EDIL3: variants seen among roughly 807,000 people sequenced by gnomAD.
The protein encoded by EDIL3 is EGF like and discoidin domains 3, also known as EGF-like repeat and discoidin I-like domain-containing protein 3.
A neutral mutation model predicts 67.4 loss-of-function variants in EDIL3; 37 were observed. The ratio of observed to expected loss-of-function variants is 0.55; its 90% CI spans 0.42 to 0.72. The LOEUF (loss-of-function observed/expected upper bound fraction) is 0.72, where lower values mean the gene tolerates loss of function less well. Among genes scored for constraint, EDIL3 ranks in the 30% least tolerant of loss-of-function variants. The pLI is 0.00. For synonymous variants in EDIL3, 195 were observed against 196.3 expected, an observed-to-expected ratio of 0.99 and a Z score of 0.05; for missense variants, 527 against 586.3, an observed-to-expected ratio of 0.90 and a Z score of 1.04.
chr5:84,192,482 T>C (rs1487069955), intron 3 of EDIL3, among the ~76,000 whole-genome samples: 1 of 151,972 alleles, frequency 6.6e-6, no homozygotes, highest in African/African-American at 2.4e-5. Context: ...GCCAAATGCC[T>C]TTCTTCACCT....
chr5:84,206,443 G>T (rs1743981194), intron 3 of EDIL3, among the ~76,000 whole-genome samples: 1 of 152,116 alleles, frequency 6.6e-6, no homozygotes, highest in Non-Finnish European at 1.5e-5. Flanking sequence ...TTGGTGCAGA[G>T]CTGAGTTCAA....
intron 9 of EDIL3, among the ~76,000 whole-genome samples, chr5:83,967,562 A>G (rs190831567): frequency 6.6e-6 from 1 of 152,250 alleles, no homozygotes; most frequent in East Asian, 1.9e-4. Flanking sequence ...CTGTGGGAAT[A>G]TAAACTTTTT....
chr5:84,141,932 TATATATATATATATA>T (rs1748201526), intron 4 of EDIL3, among the ~76,000 whole-genome samples: 1 of 97,256 alleles, frequency 1.0e-5, no homozygotes, highest in African/African-American at 3.7e-5. Flanking sequence ...TACACATATA[TATATATATATATATA>T]CATAGATCTA....
chr5:84,039,899 T>C (rs1253688868), intron 9 of EDIL3, among the ~76,000 whole-genome samples: 4 of 152,148 alleles, frequency 2.6e-5, no homozygotes, highest in Non-Finnish European at 5.9e-5. Flanking sequence ...TTTTATCTGG[T>C]AGTCTTAAAG....
At chr5:84,258,104 A>G (rs1160882774) in intron 1 of EDIL3, among the ~76,000 whole-genome samples, 1 of 152,178 alleles carries the variant, frequency 6.6e-6, no homozygotes, top group African/African-American at 2.4e-5. Context: ...CAACAAACAT[A>G]ATTAGGGTTA....
At chr5:84,219,548 A>T (rs1193321203) in intron 3 of EDIL3, among the ~76,000 whole-genome samples, 1 of 152,180 alleles carries the variant, frequency 6.6e-6, no homozygotes, top group African/African-American at 2.4e-5. Context: ...ATGGAAAACA[A>T]TTTGGAGGTT....
chr5:84,115,178 C>A (rs1013874646), intron 5 of EDIL3, among the ~76,000 whole-genome samples: 1 of 135,394 alleles, frequency 7.4e-6, no homozygotes, highest in Non-Finnish European at 1.7e-5. Context: ...TCTTCATATA[C>A]TGGCAGGCTT....
chr5:84,073,177 G>A (rs958040051), intron 6 of EDIL3, among the ~76,000 whole-genome samples: 1 of 152,090 alleles, frequency 6.6e-6, no homozygotes, highest in Non-Finnish European at 1.5e-5. Flanking sequence ...CAATAAATTA[G>A]GTATTGATGG....
chr5:84,161,150 G>A (rs561102104), intron 4 of EDIL3, among the ~76,000 whole-genome samples: 4 of 151,906 alleles, frequency 2.6e-5, no homozygotes, highest in African/African-American at 7.3e-5. Flanking sequence ...TACCATCCAG[G>A]CTGTTGTGAA....
chr5:84,347,462 G>C (rs1459613423), intron 1 of EDIL3, among the ~76,000 whole-genome samples: 1 of 152,098 alleles, frequency 6.6e-6, no homozygotes, highest in Non-Finnish European at 1.5e-5. Flanking sequence ...CATTATTACA[G>C]TAACTAAACC....
At position 84,216,709 on chromosome 5, in the gene EDIL3, T is replaced by TA. The variant is rs1263928516; in HGVS notation, c.226+13145dup. On this transcript the variant is annotated intron_variant, in intron 3 of 10. Coordinates refer to ENST00000296591, the MANE Select transcript of EDIL3 (RefSeq NM_005711.5). The stretch of plus-strand genomic sequence containing the variant: ...TAGAGGCCTCTGCATATTGACTGAA[T>TA]AAAAAAATCATAATCGAAATCACAA... Among the ~76,000 whole-genome samples, 7 of 152,218 alleles carry TA rather than the reference T, an allele frequency of 4.6e-5. 1 individual carries two copies. The South Asian group carries it at 1.2e-3, about 27-fold the overall frequency.
chr5:84,200,148 T>C (rs965503947), intron 3 of EDIL3, among the ~76,000 whole-genome samples: 1 of 152,078 alleles, frequency 6.6e-6, no homozygotes, highest in Non-Finnish European at 1.5e-5. Context: ...TATATATGAA[T>C]TTAAAGATAA....
chr5:84,196,330 C>T (rs987129204), intron 3 of EDIL3, among the ~76,000 whole-genome samples: 1 of 151,988 alleles, frequency 6.6e-6, no homozygotes, highest in Non-Finnish European at 1.5e-5. Flanking sequence ...CTAACTCTCA[C>T]CTCTACTAAA....
At chr5:84,088,049 CA>C (rs2112265069) in intron 6 of EDIL3, among the ~76,000 whole-genome samples, 1 of 152,220 alleles carries the variant, frequency 6.6e-6, no homozygotes, top group African/African-American at 2.4e-5. Context: ...TGAATGAAAT[CA>C]AATAGCTTTT....
intron 9 of EDIL3, among the ~76,000 whole-genome samples, chr5:84,053,820 C>T (rs902803486): frequency 5.3e-5 from 8 of 152,126 alleles, no homozygotes; most frequent in Non-Finnish European, 1.2e-4. Flanking sequence ...GAATTAATAG[C>T]TTACCAACCA....
At chr5:84,261,557 A>G (rs1035924330) in intron 1 of EDIL3, among the ~76,000 whole-genome samples, 4 of 152,224 alleles carry the variant, frequency 2.6e-5, no homozygotes, top group Non-Finnish European at 5.9e-5. Flanking sequence ...TCTAGTTATT[A>G]TTGCAGACCA....
chr5:83,980,365 G>C (rs1415198721), intron 9 of EDIL3, among the ~76,000 whole-genome samples: 4 of 151,740 alleles, frequency 2.6e-5, no homozygotes, highest in Non-Finnish European at 2.9e-5. Context: ...TTAAATAAAA[G>C]GTATCTGGAT....
At chr5:84,312,262 C>T (rs1236276807) in intron 1 of EDIL3, among the ~76,000 whole-genome samples, 1 of 144,254 alleles carries the variant, frequency 6.9e-6, no homozygotes, top group South Asian at 2.2e-4. Context: ...CCCTCCCGGA[C>T]GGGGCAGCTG....
At chr5:84,184,767 C>A (rs952502934) in intron 3 of EDIL3, among the ~76,000 whole-genome samples, 1 of 152,176 alleles carries the variant, frequency 6.6e-6, no homozygotes, top group African/African-American at 2.4e-5. Context: ...TGAAGCCTGT[C>A]CAGCAATCTT....
Sources: allele counts gnomAD v4.1 joint callset (sites outside exome capture counted in the v4.1 genomes callset), GRCh38; gene constraint gnomAD v4.1.1; transcripts MANE v1.5; gene names NCBI Gene and HGNC (gene_info 2026-07-23, HGNC 2026-07-21).